The following FGF12 variants were observed in gnomAD, a reference collection of about 807,000 sequenced individuals.
The protein encoded by FGF12 is fibroblast growth factor 12, also known as fibroblast growth factor 12B.
In FGF12, 14 loss-of-function variants were observed where a neutral mutation model predicts 23.6. The observed-to-expected ratio is 0.59, with a 90% CI of 0.39 to 0.93. The LOEUF is 0.93. Ranked by LOEUF, FGF12 falls within the 40% of genes least tolerant of loss-of-function variation. The pLI is 0.00. For missense variants in FGF12, 175 were observed against 217.8 expected, an observed-to-expected ratio of 0.80 and a Z score of 1.24; for synonymous variants, 62 against 77.3, an observed-to-expected ratio of 0.80 and a Z score of 1.04.
intron 2 of FGF12, among the ~76,000 whole-genome samples, chr3:192,643,551 A>AT (rs890173749): frequency 7.2e-5 from 11 of 151,972 alleles, no homozygotes; most frequent in Non-Finnish European, 1.2e-4. Flanking sequence ...GTATTACACT[A>AT]TTTTTCCTTG....
intron 2 of FGF12, among the ~76,000 whole-genome samples, chr3:192,491,753 G>T (rs1723809946): frequency 1.3e-5 from 2 of 151,992 alleles, no homozygotes; most frequent in South Asian, 4.1e-4. Flanking sequence ...TTCATGTCAT[G>T]TCACACCTAG....
intron 4 of FGF12, among the ~76,000 whole-genome samples, chr3:192,258,416 C>T (rs986555009): frequency 6.6e-6 from 1 of 152,122 alleles, no homozygotes; most frequent in South Asian, 2.1e-4. Context: ...TGAAATCACA[C>T]TACTGCATTC....
chr3:192,614,224 C>T (rs778915187), intron 2 of FGF12, among the ~76,000 whole-genome samples: 71 of 151,484 alleles, frequency 4.7e-4, no homozygotes, highest in Non-Finnish European at 9.6e-4. Context: ...TCCTAAGGGT[C>T]AACATTTTCT....
chr3:192,216,931 AGAT>A (rs1718222178), intron 4 of FGF12, among the ~76,000 whole-genome samples: 1 of 152,248 alleles, frequency 6.6e-6, no homozygotes, highest in African/African-American at 2.4e-5. Context: ...GGATGTGAGA[AGAT>A]GAATTAATCG....
chr3:192,240,457 T>C (rs1208751270), intron 4 of FGF12, among the ~76,000 whole-genome samples: 1 of 152,208 alleles, frequency 6.6e-6, no homozygotes, highest in Non-Finnish European at 1.5e-5. Flanking sequence ...GTTTATCTGC[T>C]ACAATAAGAA....
intron 2 of FGF12, among the ~76,000 whole-genome samples, chr3:192,646,914 T>C (rs1022552933): frequency 2.6e-5 from 4 of 152,152 alleles, no homozygotes; most frequent in Non-Finnish European, 5.9e-5. Context: ...GGAGACCTCC[T>C]TGCATCCTGT....
intron 2 of FGF12, among the ~76,000 whole-genome samples, chr3:192,640,008 TA>T (rs1270619162): frequency 2.2e-3 from 313 of 142,574 alleles, no homozygotes; most frequent in African/African-American, 6.2e-3. Flanking sequence ...TATGTAGAAT[TA>T]AAAAAAAAAA....
intron 2 of FGF12, among the ~76,000 whole-genome samples, chr3:192,435,599 G>A (rs941878738): frequency 2.0e-5 from 3 of 152,152 alleles, no homozygotes; most frequent in Non-Finnish European, 4.4e-5. Context: ...CTATACATGA[G>A]CCTCCTGGGC....
At chr3:192,261,348 G>C (rs1212769484) in intron 4 of FGF12, among the ~76,000 whole-genome samples, 1 of 152,118 alleles carries the variant, frequency 6.6e-6, no homozygotes, top group Non-Finnish European at 1.5e-5. Context: ...CATCACTTTG[G>C]TCCTGGTAGA....
At chr3:192,473,830 G>A (rs1222585114) in intron 2 of FGF12, among the ~76,000 whole-genome samples, 1 of 152,204 alleles carries the variant, frequency 6.6e-6, no homozygotes, top group Non-Finnish European at 1.5e-5. Context: ...GTGTAACTGT[G>A]TGGATGGCTG....
rs559755161 is a variant in FGF12 at position 192,357,529 on chromosome 3, C to T, written c.124+2899G>A. On this transcript the variant is annotated intron_variant, in intron 3 of 5. Transcript: ENST00000445105. ...TAACAGTATTTTAGCCAATGACCTA[C>T]AGCCACTGAACTCCAGCCTGGGCAA... 3.4e-4 allele frequency among the ~76,000 whole-genome samples: 51 copies of T among 151,752 alleles called. No homozygotes were observed. In the South Asian group the frequency reaches 7.5e-3, roughly 22 times the overall value.
intron 4 of FGF12, among the ~76,000 whole-genome samples, chr3:192,208,629 T>C (rs995024084): frequency 6.6e-6 from 1 of 152,230 alleles, no homozygotes; most frequent in African/African-American, 2.4e-5. Context: ...ACATTATTAA[T>C]ATCAACGGAG....
At chr3:192,208,666 GA>G (rs1717775023) in intron 4 of FGF12, among the ~76,000 whole-genome samples, 2 of 152,128 alleles carry the variant, frequency 1.3e-5, no homozygotes, top group African/African-American at 4.8e-5. Context: ...AATAAATGTA[GA>G]ATAATTTCAA....
At chr3:192,268,244 G>C (rs958229461) in intron 4 of FGF12, among the ~76,000 whole-genome samples, 3 of 152,092 alleles carry the variant, frequency 2.0e-5, no homozygotes, top group Non-Finnish European at 4.4e-5. Context: ...AAATTCTGCT[G>C]CTTCCAATTT....
intron 2 of FGF12, among the ~76,000 whole-genome samples, chr3:192,454,431 G>A (rs1458974048): frequency 3.3e-5 from 5 of 152,082 alleles, no homozygotes; most frequent in Admixed American, 3.3e-4. Context: ...AGAATAAAAT[G>A]AACATGGGGA....
intron 3 of FGF12, among the ~76,000 whole-genome samples, chr3:192,353,123 A>G (rs943763171): frequency 1.1e-4 from 16 of 152,158 alleles, no homozygotes; most frequent in Admixed American, 7.2e-4. Context: ...GAGAATGTTT[A>G]TGTGACTTGC....
At chr3:192,588,993 G>A (rs371658633) in intron 2 of FGF12, among the ~76,000 whole-genome samples, 5 of 151,890 alleles carry the variant, frequency 3.3e-5, no homozygotes, top group South Asian at 2.1e-4. Flanking sequence ...GACAGAGGTC[G>A]CTAGAAACTG....
intron 2 of FGF12, among the ~76,000 whole-genome samples, chr3:192,404,127 T>C (rs1262133967): frequency 6.6e-6 from 1 of 152,200 alleles, no homozygotes; most frequent in Non-Finnish European, 1.5e-5. Context: ...TCTGAAGATC[T>C]TTAGGTTTTA....
At chr3:192,493,745 T>C (rs1040069704) in intron 2 of FGF12, among the ~76,000 whole-genome samples, 1 of 152,068 alleles carries the variant, frequency 6.6e-6, no homozygotes, top group Non-Finnish European at 1.5e-5. Context: ...CACTTTTAAA[T>C]AACCAGATCT....
Sources: gnomAD v4.1 joint callset for allele counts (sites outside exome capture counted in the v4.1 genomes callset) on GRCh38, gnomAD v4.1.1 for gene constraint, MANE v1.5 for transcripts, NCBI Gene and HGNC (gene_info 2026-07-23, HGNC 2026-07-21) for gene names.